The following ZFYVE16 variants were observed in gnomAD, a reference collection of about 807,000 sequenced individuals.
ZFYVE16 encodes zinc finger FYVE domain-containing protein 16.
Under a neutral mutation model 138.1 loss-of-function variants are expected in ZFYVE16, and 89 were observed. The ratio of observed to expected loss-of-function variants is 0.64; its 90% CI spans 0.54 to 0.77. The LOEUF is 0.77. Ranked by LOEUF, ZFYVE16 falls within the 30% of genes least tolerant of loss-of-function variation. ZFYVE16 has a pLI of 0.00. For synonymous variants in ZFYVE16, 596 were observed against 618.3 expected (o/e 0.96, Z 0.53); for missense variants, 1,793 against 1,786.7 (o/e 1.00, Z -0.06).
chr5:80,454,608 GC>G, intron 11 of ZFYVE16: 1 of 151,780 alleles, frequency 6.6e-6, no homozygotes, highest in East Asian at 1.9e-4. Context: ...CCGGGTTCAC[GC>G]CATTCTCCTG....
chr5:80,461,705 G>A (rs1168768688), intron 15 of ZFYVE16, among the ~76,000 whole-genome samples: 1 of 152,124 alleles, frequency 6.6e-6, no homozygotes, highest in Non-Finnish European at 1.5e-5. Context: ...GCTGGGTGTG[G>A]TGGGTCACAC....
intron 2 of ZFYVE16, among the ~76,000 whole-genome samples, chr5:80,432,842 T>G (rs1749277855): frequency 6.6e-6 from 1 of 152,072 alleles, no homozygotes; most frequent in Non-Finnish European, 1.5e-5. Flanking sequence ...CATGAAAAAA[T>G]GCTCATCATC....
Position 80,437,268 on chromosome 5 carries a change from G to A in ZFYVE16, c.583G>A (p.Glu195Lys), listed in dbSNP as rs1447709929. Residue 195 changes from glutamate (E) to lysine (K), a missense_variant, in exon 4 of 19, where the codon GAA becomes AAA. Glu to Lys is a moderately conservative substitution (Grantham distance 56). This residue lies in a region of ZFYVE16 where 1,295 missense variants were observed against 1,204.3 expected (regional missense o/e 1.08). Coordinates refer to ENST00000505560, the MANE Select transcript of ZFYVE16 (RefSeq NM_001284236.3). ...AGAACAACAGAATGATATCAGTTCT[G>A]AATTACAAAATAGAGAAATCGGAGG... ...VREQQNDISSELQNREIGGIK... is the reference protein window; with the variant it reads ...VREQQNDISSKLQNREIGGIK... 2 of 1,611,542 alleles carry A rather than the reference G, an allele frequency of 1.2e-6. No homozygotes were observed. Among genetic ancestry groups the A allele is most frequent in the Middle Eastern group, 1.7e-4 (1 of 6,052 alleles).
intron 15 of ZFYVE16, among the ~76,000 whole-genome samples, chr5:80,466,922 C>T (rs1753807969): frequency 6.6e-6 from 1 of 152,130 alleles, no homozygotes; most frequent in South Asian, 2.1e-4. Context: ...CTATACCTAT[C>T]CTCTCATCTC....
chr5:80,451,677 G>A lies in ZFYVE16; in HGVS notation c.3575G>A (p.Arg1192His), dbSNP rs751754470. 8.1e-6 allele frequency: 13 copies of A among 1,613,676 alleles called. No homozygotes were observed. The highest frequency in any genetic ancestry group is 9.3e-6 in the Non-Finnish European group (11 of 1,179,860). The stretch of plus-strand genomic sequence containing the variant: ...CCCTGGGCAAAGGTTTTTCCTATGC[G>A]TTTAATGTTGAGATTGGGTGCAGAA... Reference protein sequence around the residue: ...EIPWAKVFPMRLMLRLGAEYK... With the variant: ...EIPWAKVFPMHLMLRLGAEYK... The change falls in exon 11 of 19, where the codon CGT (arginine) becomes CAT (histidine). Residue 1192 changes from arginine (R) to histidine (H), a missense_variant. Arg to His is a conservative substitution (Grantham distance 29). Transcript: ENST00000505560.
chr5:80,477,150 A>G (rs1754992461), intron 18 of ZFYVE16, 69 bp from the exon 19 acceptor site: 1 of 1,282,694 alleles, frequency 7.8e-7, no homozygotes, highest in Non-Finnish European at 1.1e-6. Flanking sequence ...TATTTCACTT[A>G]TTTTATATTC....
At chr5:80,414,174 G>A (rs1408619802) in intron 1 of ZFYVE16, among the ~76,000 whole-genome samples, 3 of 151,848 alleles carry the variant, frequency 2.0e-5, no homozygotes, top group African/African-American at 7.2e-5. Flanking sequence ...TCTTTTTAAT[G>A]TGTCTTTTGT....
chr5:80,413,960 C>A (rs969484861), intron 1 of ZFYVE16, among the ~76,000 whole-genome samples: 9 of 152,150 alleles, frequency 5.9e-5, no homozygotes, highest in African/African-American at 1.4e-4. Context: ...TTCCCCTCTC[C>A]CCTCTATATT....
intron 7 of ZFYVE16, 52 bp downstream of exon 7, chr5:80,445,457 G>T (rs760253562): frequency 3.3e-5 from 50 of 1,502,576 alleles, no homozygotes; most frequent in Non-Finnish European, 4.3e-5. Flanking sequence ...TTATTTCGTA[G>T]ATAATTCCTG....
chr5:80,411,028 AC>A (rs1395483936), intron 1 of ZFYVE16, among the ~76,000 whole-genome samples: 1 of 149,030 alleles, frequency 6.7e-6, no homozygotes, highest in Non-Finnish European at 1.5e-5. Context: ...GTGCAGTGGC[AC>A]CATCTCGGCT....
intron 1 of ZFYVE16, chr5:80,411,532 A>G (rs753002001): frequency 6.6e-6 from 1 of 152,086 alleles, no homozygotes; most frequent in Admixed American, 6.6e-5. Flanking sequence ...TTTTCTACTG[A>G]AGTACATATA....
At chr5:80,474,219 A>AG (rs1425027224) in intron 17 of ZFYVE16, among the ~76,000 whole-genome samples, 2 of 152,100 alleles carry the variant, frequency 1.3e-5, no homozygotes, top group African/African-American at 4.8e-5. Flanking sequence ...TTCATGTTTT[A>AG]GTTTTTTTTT....
chr5:80,447,612 C>G (rs571431690), intron 7 of ZFYVE16, among the ~76,000 whole-genome samples: 1 of 152,316 alleles, frequency 6.6e-6, no homozygotes, highest in South Asian at 2.1e-4. Flanking sequence ...TTCCTAACCA[C>G]TCCCCTCCCC....
In ZFYVE16 at chr5:80,438,693, G is replaced by T; in HGVS notation, c.2008G>T (p.Val670Phe). ...RSSKDLNKPD[V>F]PDTIESEPST... The stretch of plus-strand genomic sequence containing the variant: ...TTCAAAGGACCTGAATAAGCCAGAT[G>T]TTCCAGATACAATAGAAAGTGAACC... The change falls in exon 4 of 19, where the codon GTT becomes TTT. Residue 670 changes from valine to phenylalanine, a missense_variant. Physicochemically the swap from Val to Phe is conservative, Grantham distance 50 (BLOSUM62 -1). Coordinates refer to ENST00000505560, the MANE Select transcript of ZFYVE16 (RefSeq NM_001284236.3). 3 of 1,614,086 alleles carry T rather than the reference G, an allele frequency of 1.9e-6. No individual in the cohort carries two copies. The highest frequency in any genetic ancestry group is 2.5e-6 in the Non-Finnish European group (3 of 1,179,984).
intron 3 of ZFYVE16, among the ~76,000 whole-genome samples, chr5:80,434,769 C>T (rs1749634851): frequency 6.6e-6 from 1 of 152,000 alleles, no homozygotes; most frequent in South Asian, 2.1e-4. Flanking sequence ...TGTACTTGGC[C>T]CCAGAAAGAC....
chr5:80,445,317 A>G lies in ZFYVE16; in HGVS notation c.2636A>G (p.Asn879Ser), dbSNP rs762375011. 34 of 1,613,926 alleles carry G rather than the reference A, an allele frequency of 2.1e-5. No homozygotes were observed. The highest frequency in any genetic ancestry group is 3.3e-5 in the South Asian group (3 of 91,082). Residue 879 changes from asparagine (N) to serine (S), a missense_variant, in exon 7 of 19, where the codon AAT (asparagine) becomes AGT (serine). Physicochemically the swap from Asn to Ser is conservative, Grantham distance 46. Around this residue, in one of 2 missense-constraint regions of ZFYVE16, gnomAD observed 1,295 missense variants for 1,204.3 expected, o/e 1.08. Coordinates refer to ENST00000505560, the MANE Select transcript of ZFYVE16 (RefSeq NM_001284236.3). ...TGGTTTGCAGATGGTATATTGCCCAATGGTGAAGTTGCAGATACAACAAAA... is the reference window on the plus strand; with the variant it reads ...TGGTTTGCAGATGGTATATTGCCCAGTGGTGAAGTTGCAGATACAACAAAA... ...RVWFADGILP[N>S]GEVADTTKLS...
intron 11 of ZFYVE16, chr5:80,455,458 C>G (rs1472817185): frequency 4.8e-6 from 2 of 418,152 alleles, no homozygotes; most frequent in Non-Finnish European, 4.3e-6. Flanking sequence ...TACTTGAACC[C>G]AGGAAGTGGA....
At chr5:80,425,705 G>A (rs1747884879) in intron 1 of ZFYVE16, among the ~76,000 whole-genome samples, 1 of 152,192 alleles carries the variant, frequency 6.6e-6, no homozygotes, top group South Asian at 2.1e-4. Flanking sequence ...TGACTTTCCT[G>A]TAAACATGCA....
Position 80,417,550 on chromosome 5 carries a change from T to C in ZFYVE16, c.-94+9397T>C, listed in dbSNP as rs377263598. 1.1e-4 allele frequency among the ~76,000 whole-genome samples: 16 copies of C among 152,368 alleles called. 1 individual carries two copies. The highest frequency in any genetic ancestry group is 3.6e-4 in the African/African-American group (15 of 41,586). On this transcript the variant is annotated intron_variant, in intron 1 of 18. Coordinates refer to ENST00000505560, the MANE Select transcript of ZFYVE16 (RefSeq NM_001284236.3). The stretch of plus-strand genomic sequence containing the variant: ...TGGTGTTTTACTGTCTCTGTAGTTT[T>C]ACCTTTTCTAGAATGTTACATAATT...
Sources: gnomAD v4.1 joint callset for allele counts (sites outside exome capture counted in the v4.1 genomes callset) on GRCh38, gnomAD v4.1.1 for gene constraint, gnomAD v4.1.1 regional missense constraint, MANE v1.5 for transcripts, NCBI Gene and HGNC (gene_info 2026-07-23, HGNC 2026-07-21) for gene names.